The following MEAF6 variants were observed in gnomAD, a reference collection of about 807,000 sequenced individuals.
The protein encoded by MEAF6 is chromatin modification-related protein MEAF6.
MEAF6 carries 15 observed loss-of-function variants against 28.9 expected under a neutral mutation model. The observed-to-expected ratio is 0.52, with a 90% CI of 0.35 to 0.80. The LOEUF is 0.80. Among genes scored for constraint, MEAF6 ranks in the 30% least tolerant of loss-of-function variants. The pLI is 0.01. For synonymous variants in MEAF6, 97 were observed against 88.7 expected, an observed-to-expected ratio of 1.09 and a Z score of -0.53; for missense variants, 178 against 237.5, an observed-to-expected ratio of 0.75 and a Z score of 1.65.
Position 37,490,265 on chromosome 1 carries a change from C to T in MEAF6, c.*3834G>A, listed in dbSNP as rs41439344. On this transcript the variant is annotated 3_prime_UTR_variant, in exon 7 of 7. Coordinates refer to ENST00000296214, the MANE Select transcript of MEAF6 (RefSeq NM_001270875.3). ...ACTTTAGTGGTGACAACTTTTAATCCACGGAAGCAGTTTTTCAAAGTGAAA... is the reference window on the plus strand; with the variant it reads ...ACTTTAGTGGTGACAACTTTTAATCTACGGAAGCAGTTTTTCAAAGTGAAA... 0.066 allele frequency among the ~76,000 whole-genome samples: 10,061 copies of T among 151,980 alleles called. 421 individuals are homozygous for T. Among genetic ancestry groups the T allele is most frequent in the East Asian group, 0.12 (601 of 5,144 alleles).
intron 5 of MEAF6, chr1:37,500,897 T>A (rs1386125041): frequency 1.3e-5 from 2 of 154,184 alleles, no homozygotes; most frequent in Non-Finnish European, 2.9e-5. Flanking sequence ...GTAGAACGAA[T>A]GTACAGTTTC....
chr1:37,499,474 T>C (rs1374190393), intron 5 of MEAF6, among the ~76,000 whole-genome samples: 1 of 152,166 alleles, frequency 6.6e-6, no homozygotes. Context: ...AATTCCTGAC[T>C]AAAGATGGCA....
At chr1:37,510,844 T>C (rs559664858) in intron 2 of MEAF6, among the ~76,000 whole-genome samples, 1 of 152,300 alleles carries the variant, frequency 6.6e-6, no homozygotes, top group East Asian at 1.9e-4. Context: ...TGCCTCAGCC[T>C]CCCAAGTAGC....
chr1:37,502,729 C>A (rs1394077993), intron 4 of MEAF6, among the ~76,000 whole-genome samples: 1 of 149,916 alleles, frequency 6.7e-6, no homozygotes, highest in African/African-American at 2.5e-5. Flanking sequence ...ATGATCCTTA[C>A]ACCTCAGCCT....
intron 5 of MEAF6, among the ~76,000 whole-genome samples, chr1:37,501,210 A>G (rs1269622424): frequency 6.6e-6 from 1 of 152,192 alleles, no homozygotes; most frequent in East Asian, 1.9e-4. Context: ...TGGTGCACCA[A>G]TGTTACACGT....
At chr1:37,511,622 G>A (rs1300534507) in intron 2 of MEAF6, among the ~76,000 whole-genome samples, 1 of 152,174 alleles carries the variant, frequency 6.6e-6, no homozygotes, top group African/African-American at 2.4e-5. Flanking sequence ...TGTGCCTCCT[G>A]ATAAACTAGA....
At chr1:37,513,656 C>G (rs1344034333) in intron 1 of MEAF6, 118 bp from the exon 2 acceptor site, 1 of 783,976 alleles carries the variant, frequency 1.3e-6, no homozygotes, top group African/African-American at 1.7e-5. Context: ...ACTAAACCAC[C>G]CTGTGGAGAG....
chr1:37,513,229 C>A (rs1284659600), intron 2 of MEAF6, among the ~76,000 whole-genome samples, 194 bp downstream of exon 2: 1 of 152,180 alleles, frequency 6.6e-6, no homozygotes, highest in Admixed American at 6.5e-5. Context: ...GCCCAACTTT[C>A]GCTATTTTAC....
chr1:37,497,888 A>G (rs1298739294), intron 5 of MEAF6, among the ~76,000 whole-genome samples: 2 of 152,076 alleles, frequency 1.3e-5, no homozygotes, highest in Admixed American at 1.3e-4. Context: ...CACTGCACCC[A>G]GCCTGCAGCA....
rs200752489 is a variant in MEAF6, at chr1:37,501,948, T to C, written c.389A>G (p.Asn130Ser). The stretch of plus-strand genomic sequence containing the variant: ...CTCCTGGCTGGGCTCATTTTCCTGA[T>C]TGTGGAAGTCTGGAGAAGTGTCACT... The part of the protein sequence containing the change: ...TESDTSPDFH[N>S]QENEPSQEDP... Residue 130 changes from asparagine to serine, a missense_variant, in exon 5 of 7, where the codon AAT becomes AGT. By Grantham distance (46) the Asn-to-Ser change is conservative. Coordinates refer to ENST00000296214, the MANE Select transcript of MEAF6 (RefSeq NM_001270875.3). The C allele has an allele frequency of 2.0e-5, 32 of 1,610,448 alleles. No homozygotes were observed. Among genetic ancestry groups the C allele is most frequent in the Non-Finnish European group, 2.5e-5 (30 of 1,177,152 alleles).
At chr1:37,504,258 C>T (rs1320128712) in intron 4 of MEAF6, among the ~76,000 whole-genome samples, 1 of 152,160 alleles carries the variant, frequency 6.6e-6, no homozygotes, top group Non-Finnish European at 1.5e-5. Flanking sequence ...CCTCCCCAGC[C>T]ATGTAGAACT....
rs1407913157 is a variant in MEAF6 at position 37,490,372 on chromosome 1, C to T, written c.*3727G>A. ...TTAGACTGACACAGGTATGAAAATT[C>T]CAATCCCTTCTTTTCACTATCATTG... On this transcript the variant is annotated 3_prime_UTR_variant, in exon 7 of 7. Coordinates refer to ENST00000296214, the MANE Select transcript of MEAF6 (RefSeq NM_001270875.3). Among the ~76,000 whole-genome samples, 2 of 152,068 alleles carry T rather than the reference C, an allele frequency of 1.3e-5. No homozygotes were observed. Among genetic ancestry groups the T allele is most frequent in the Non-Finnish European group, 2.9e-5 (2 of 68,030 alleles).
chr1:37,490,306 G>A lies in MEAF6; in HGVS notation c.*3793C>T, dbSNP rs929317471. Among the ~76,000 whole-genome samples the A allele has an allele frequency of 2.6e-5, 4 of 152,018 alleles. No individual in the cohort carries two copies. The highest frequency in any genetic ancestry group is 1.9e-4 in the East Asian group (1 of 5,186). On this transcript the variant is annotated 3_prime_UTR_variant, in exon 7 of 7. Coordinates refer to ENST00000296214, the MANE Select transcript of MEAF6 (RefSeq NM_001270875.3). ...CAAAGTGAAAACTGTTTCAAATCACGAAGCTTACCACTTAGACAATTCAGA... is the reference window on the plus strand; with the variant it reads ...CAAAGTGAAAACTGTTTCAAATCACAAAGCTTACCACTTAGACAATTCAGA...
In MEAF6 at chr1:37,514,733, T is replaced by C; in HGVS notation, c.14A>G (p.Asn5Ser). The C allele has an allele frequency of 2.6e-6, 4 of 1,523,524 alleles. No individual in the cohort carries two copies. The highest frequency in any genetic ancestry group is 1.4e-5 in the African/African-American group (1 of 69,434). 94.4% of individuals were successfully genotyped at this position (1,523,524 alleles called of 1,614,324 possible). The change falls in exon 1 of 7, where the codon AAC (asparagine) becomes AGC (serine). Residue 5 changes from asparagine (N) to serine (S), a missense_variant. By Grantham distance (46) the Asn-to-Ser change is conservative. Around this residue, in one of 2 missense-constraint regions of MEAF6, gnomAD observed 54 missense variants for 37.0 expected, o/e 1.46. Coordinates refer to ENST00000296214, the MANE Select transcript of MEAF6 (RefSeq NM_001270875.3). Reference sequence around the variant, plus strand: ...CGGGATCTGCGGCGGCGCCGCCTTGTTGTGCATCGCCATGTTGGGCTGAGG... The same window carrying C: ...CGGGATCTGCGGCGGCGCCGCCTTGCTGTGCATCGCCATGTTGGGCTGAGG... Reference protein sequence around the residue: MAMHNKAAPPQIPDT... With the variant: MAMHSKAAPPQIPDT...
Position 37,492,452 on chromosome 1 carries a change from AT to A in MEAF6, c.*1646del, listed in dbSNP as rs573270898. The A allele has an allele frequency of 7.7e-4, 110 of 142,394 alleles. No individual in the cohort carries two copies. Among genetic ancestry groups the A allele is most frequent in the South Asian group, 4.2e-3 (19 of 4,486 alleles). 8.8% of individuals were successfully genotyped at this position (142,394 alleles called of 1,614,324 possible). ...ACAAAAAATACAGAATGCTTCTAGG[AT>A]TTTTTTTTTTAAGGAATAATCTAAA... On this transcript the variant is annotated 3_prime_UTR_variant, in exon 7 of 7. Coordinates refer to ENST00000296214, the MANE Select transcript of MEAF6 (RefSeq NM_001270875.3).
intron 4 of MEAF6, among the ~76,000 whole-genome samples, chr1:37,505,762 C>CA (rs1281033048): frequency 6.6e-6 from 1 of 152,180 alleles, no homozygotes; most frequent in Admixed American, 6.5e-5. Flanking sequence ...GACTAGAATT[C>CA]AGAGTCCCAG....
In MEAF6 at chr1:37,492,230, G is replaced by A. The variant is rs1303676891; in HGVS notation, c.*1869C>T. Among the ~76,000 whole-genome samples the A allele has an allele frequency of 6.6e-6, 1 of 151,886 alleles. No individual in the cohort carries two copies. The highest frequency in any genetic ancestry group is 2.4e-5 in the African/African-American group (1 of 41,346). Reference sequence around the variant, plus strand: ...TTTTTAGTAGAGATGGGGTTTCACTGTGTTCGCCAGGATGGTCTCGATCTC... The same window carrying A: ...TTTTTAGTAGAGATGGGGTTTCACTATGTTCGCCAGGATGGTCTCGATCTC... On this transcript the variant is annotated 3_prime_UTR_variant, in exon 7 of 7. Coordinates refer to ENST00000296214, the MANE Select transcript of MEAF6 (RefSeq NM_001270875.3).
intron 5 of MEAF6, among the ~76,000 whole-genome samples, chr1:37,497,299 G>A (rs564345196): frequency 1.8e-4 from 28 of 151,726 alleles, no homozygotes; most frequent in African/African-American, 6.3e-4. Flanking sequence ...GTGCAGGGGC[G>A]GCGATCTTGG....
At chr1:37,500,970 G>A (rs1642282215) in intron 5 of MEAF6, 1 of 154,116 alleles carries the variant, frequency 6.5e-6, no homozygotes. Flanking sequence ...GGTATGTATA[G>A]GGTCTCCATT....
Sources: allele counts gnomAD v4.1 joint callset (sites outside exome capture counted in the v4.1 genomes callset), GRCh38; gene constraint gnomAD v4.1.1; regional missense constraint gnomAD v4.1.1; transcripts MANE v1.5; gene names NCBI Gene and HGNC (gene_info 2026-07-23, HGNC 2026-07-21).